GCNT2: variants seen among roughly 807,000 people sequenced by gnomAD.
GCNT2 encodes the protein N-acetyllactosaminide beta-1,6-N-acetylglucosaminyl-transferase.
A neutral mutation model predicts 34.2 loss-of-function variants in GCNT2; 34 were observed. That is an observed-to-expected ratio of 1.00 (90% CI 0.76 to 1.32). GCNT2 has a LOEUF of 1.32. Among genes scored for constraint, GCNT2 ranks in the 40% most tolerant of loss-of-function variants. GCNT2 has a pLI of 0.00. For missense variants in GCNT2, 584 were observed against 489.4 expected, an observed-to-expected ratio of 1.19 and a Z score of -1.82; for synonymous variants, 212 against 188.0, an observed-to-expected ratio of 1.13 and a Z score of -1.04.
At chr6:10,547,377 T>G (rs1453199239) in intron 3 of GCNT2, among the ~76,000 whole-genome samples, 2 of 152,238 alleles carry the variant, frequency 1.3e-5, no homozygotes, top group Non-Finnish European at 2.9e-5. Flanking sequence ...TCAAGAATCT[T>G]AAGCTAAACT....
At chr6:10,582,636 G>T (rs1764176820) in intron 3 of GCNT2, among the ~76,000 whole-genome samples, 1 of 141,844 alleles carries the variant, frequency 7.1e-6, no homozygotes. Context: ...TTTTTCCCAT[G>T]GGCTAAAGGG....
intron 3 of GCNT2, among the ~76,000 whole-genome samples, chr6:10,616,508 A>G (rs1765770933): frequency 6.6e-6 from 1 of 152,202 alleles, no homozygotes; most frequent in Non-Finnish European, 1.5e-5. Flanking sequence ...TCCCTGAGCT[A>G]GACACAAAAG....
chr6:10,592,161 G>T (rs1336197191), intron 3 of GCNT2, among the ~76,000 whole-genome samples: 1 of 152,180 alleles, frequency 6.6e-6, no homozygotes, highest in African/African-American at 2.4e-5. Context: ...AATCCACACT[G>T]ACATTTGTCT....
intron 3 of GCNT2, among the ~76,000 whole-genome samples, chr6:10,616,299 T>TA (rs1765759112): frequency 6.7e-6 from 1 of 149,970 alleles, no homozygotes. Context: ...ACCACTCATA[T>TA]AGGCTGTATG....
At chr6:10,609,369 C>G (rs1765455508) in intron 3 of GCNT2, among the ~76,000 whole-genome samples, 1 of 152,170 alleles carries the variant, frequency 6.6e-6, no homozygotes, top group South Asian at 2.1e-4. Context: ...TACAATAAAT[C>G]CACTCCTGTG....
At chr6:10,602,638 CAAATAGGGGTTA>C (rs148553751) in intron 3 of GCNT2, among the ~76,000 whole-genome samples, 5,287 of 152,152 alleles carry the variant, frequency 0.035, 307 homozygotes, top group African/African-American at 0.12. Context: ...TCTCGGTTTG[CAAATAGGGGTTA>C]AAATTAAACA....
chr6:10,599,548 A>T (rs1765010396), intron 3 of GCNT2, among the ~76,000 whole-genome samples: 1 of 152,198 alleles, frequency 6.6e-6, no homozygotes, highest in South Asian at 2.1e-4. Context: ...TATGAATTAG[A>T]CATGAGGCCA....
At position 10,529,643 on chromosome 6, in the gene GCNT2, G is replaced by A; in HGVS notation, c.732G>A (p.Val244=). ...TGTTAAACCACAAAAATTCCTACGT[G>A]ATTAAAACAACAAAATTAAAAACTC... ...QELLNHKNSY[V]IKTTKLKTPP... The change falls in exon 3 of 5, where the codon GTG becomes GTA. Residue 244 remains valine, a synonymous_variant. Coordinates refer to ENST00000495262, the MANE Select transcript of GCNT2 (RefSeq NM_145649.5). The A allele has an allele frequency of 6.2e-7, 1 of 1,614,012 alleles. No homozygotes were observed. Among genetic ancestry groups the A allele is most frequent in the South Asian group, 1.1e-5 (1 of 91,056 alleles).
intron 3 of GCNT2, among the ~76,000 whole-genome samples, chr6:10,566,131 G>T (rs375227635): frequency 6.6e-6 from 1 of 151,310 alleles, no homozygotes; most frequent in Admixed American, 6.6e-5. Context: ...TCCCTCTCCC[G>T]GGAGGCTCCC....
At chr6:10,554,048 T>C (rs796734222) in intron 3 of GCNT2, among the ~76,000 whole-genome samples, 2 of 152,320 alleles carry the variant, frequency 1.3e-5, no homozygotes, top group African/African-American at 4.8e-5. Context: ...CCAAAGTGAG[T>C]GACAAGGCAT....
chr6:10,626,499 G>A lies in GCNT2; in HGVS notation c.1101G>A (p.Lys367=). ...ATTCACCAAGCCTGTTTGCTAACAA[G>A]TTTGAGCTTAATACCTACCCCCTTA... The part of the protein sequence containing the change: ...LVNSPSLFAN[K]FELNTYPLTV... Residue 367 remains lysine (K), a synonymous_variant, in exon 5 of 5, where the codon AAG becomes AAA. Transcript: ENST00000495262. 1.2e-6 allele frequency: 2 copies of A among 1,613,776 alleles called. No homozygotes were observed. Among genetic ancestry groups the A allele is most frequent in the Non-Finnish European group, 1.7e-6 (2 of 1,179,664 alleles).
intron 3 of GCNT2, among the ~76,000 whole-genome samples, chr6:10,583,056 G>A: frequency 6.6e-6 from 1 of 152,116 alleles, no homozygotes; most frequent in East Asian, 1.9e-4. Flanking sequence ...GGGAGCTGTG[G>A]AATTAAGGCT....
chr6:10,568,791 G>GTAGGATT (rs1763396860), intron 3 of GCNT2, among the ~76,000 whole-genome samples: 1 of 152,060 alleles, frequency 6.6e-6, no homozygotes, highest in Admixed American at 6.6e-5. Context: ...CCTGCCATAG[G>GTAGGATT]TCCTTTTCTT....
At chr6:10,603,479 C>A (rs1765164871) in intron 3 of GCNT2, among the ~76,000 whole-genome samples, 1 of 152,214 alleles carries the variant, frequency 6.6e-6, no homozygotes, top group African/African-American at 2.4e-5. Context: ...CCGTGTCAGT[C>A]CAGATGCAGA....
intron 3 of GCNT2, chr6:10,556,435 AATGCGTT>A: frequency 1.2e-6 from 2 of 1,613,964 alleles, no homozygotes; most frequent in Non-Finnish European, 1.7e-6. Flanking sequence ...TGCCTTTATC[AATGCGTT>A]ACCTCTTCAT....
intron 3 of GCNT2, among the ~76,000 whole-genome samples, chr6:10,583,498 C>G (rs1234659920): frequency 6.6e-6 from 1 of 152,134 alleles, no homozygotes; most frequent in Admixed American, 6.5e-5. Flanking sequence ...AGTGTCCTTA[C>G]CGTCCGCATC....
At chr6:10,597,410 C>A (rs1764904475) in intron 3 of GCNT2, among the ~76,000 whole-genome samples, 1 of 151,942 alleles carries the variant, frequency 6.6e-6, no homozygotes, top group Non-Finnish European at 1.5e-5. Flanking sequence ...TTGCCTCAGC[C>A]CCCCAGAGTG....
intron 3 of GCNT2, among the ~76,000 whole-genome samples, chr6:10,561,173 C>CTT (rs374368271): frequency 6.6e-6 from 1 of 151,314 alleles, no homozygotes; most frequent in Non-Finnish European, 1.5e-5. Context: ...TTTTCTTTTT[C>CTT]TTTTTTTTTG....
At position 10,557,261 on chromosome 6, in the gene GCNT2, C is replaced by T. The variant is rs374582520; in HGVS notation, c.925+27425C>T. Reference sequence around the variant, plus strand: ...TGCCAACTTTGTTCTGCATGACCCACGGGCTGTTGATTTGCTCCAGTGGTC... The same window carrying T: ...TGCCAACTTTGTTCTGCATGACCCATGGGCTGTTGATTTGCTCCAGTGGTC... On this transcript the variant is annotated intron_variant, in intron 3 of 4. Coordinates refer to ENST00000495262, the MANE Select transcript of GCNT2 (RefSeq NM_145649.5). 4.8e-5 allele frequency: 78 copies of T among 1,611,166 alleles called. 1 individual carries two copies. Among genetic ancestry groups the T allele is most frequent in the East Asian group, 1.3e-4 (6 of 44,860 alleles).
Sources: allele counts gnomAD v4.1 joint callset (sites outside exome capture counted in the v4.1 genomes callset), GRCh38; gene constraint gnomAD v4.1.1; transcripts MANE v1.5; gene names NCBI Gene and HGNC (gene_info 2026-07-23, HGNC 2026-07-21).